The following FRAS1 variants were observed in gnomAD, a reference collection of about 807,000 sequenced individuals.
FRAS1 encodes the protein extracellular matrix organizing protein FRAS1.
In FRAS1, 290 loss-of-function variants were observed where a neutral mutation model predicts 435.2. The ratio of observed to expected loss-of-function variants is 0.67; its 90% CI spans 0.61 to 0.73. The LOEUF is 0.73. Among genes scored for constraint, FRAS1 ranks in the 30% least tolerant of loss-of-function variants. FRAS1 has a pLI of 0.00. For synonymous variants in FRAS1, 1,800 were observed against 1,851.0 expected (o/e 0.97, Z 0.71); for missense variants, 4,860 against 5,001.5 (o/e 0.97, Z 0.85).
chr4:78,265,522 T>G (rs1208270643), intron 7 of FRAS1, among the ~76,000 whole-genome samples: 2 of 152,154 alleles, frequency 1.3e-5, no homozygotes, highest in African/African-American at 4.8e-5. Flanking sequence ...GGGGAAAACC[T>G]GGCGGTGGTA....
chr4:78,162,776 G>A (rs578190939), intron 2 of FRAS1, among the ~76,000 whole-genome samples: 8 of 152,284 alleles, frequency 5.3e-5, no homozygotes, highest in African/African-American at 1.4e-4. Flanking sequence ...GAGCTGGTTC[G>A]TTGTGAAGCA....
At chr4:78,518,111 C>T (rs1560422867) in intron 66 of FRAS1, among the ~76,000 whole-genome samples, 1 of 134,700 alleles carries the variant, frequency 7.4e-6, no homozygotes, top group Non-Finnish European at 1.6e-5. Context: ...AGAGAGACCC[C>T]ATCTCTTGAA....
intron 2 of FRAS1, among the ~76,000 whole-genome samples, chr4:78,222,219 A>G (rs1165602019): frequency 6.6e-6 from 1 of 152,194 alleles, no homozygotes; most frequent in African/African-American, 2.4e-5. Context: ...GGAACACCAC[A>G]GTGGGATTCA....
Position 78,496,824 on chromosome 4 carries a change from A to G in FRAS1, c.8978A>G (p.Tyr2993Cys), listed in dbSNP as rs899884915. 7 of 1,613,792 alleles carry G rather than the reference A, an allele frequency of 4.3e-6. No homozygotes were observed. The highest frequency in any genetic ancestry group is 2.7e-5 in the African/African-American group (2 of 75,032). The change falls in exon 60 of 74, where the codon TAT becomes TGT. Residue 2993 changes from tyrosine to cysteine, a missense_variant. Tyr to Cys is a radical substitution (Grantham distance 194, BLOSUM62 -2). Transcript: ENST00000512123. Reference protein sequence around the residue: ...KGDKVKNCTVYIHDDSMFEPE... With the variant: ...KGDKVKNCTVCIHDDSMFEPE... ...CTCTAGGTGAAGAACTGTACGGTCT[A>G]TATCCACGATGACTCCATGTTTGAG... is the stretch of plus-strand genomic sequence containing the variant.
intron 41 of FRAS1, chr4:78,444,136 T>A (rs1184727604): frequency 8.8e-6 from 4 of 455,192 alleles, no homozygotes; most frequent in South Asian, 6.2e-5. Flanking sequence ...ATTACAGGCA[T>A]GAGCCACCAT....
chr4:78,143,462 T>C (rs1415168647), intron 2 of FRAS1, among the ~76,000 whole-genome samples: 4 of 152,172 alleles, frequency 2.6e-5, no homozygotes, highest in Non-Finnish European at 5.9e-5. Flanking sequence ...TTGGACAAAT[T>C]AATCAACTTG....
intron 20 of FRAS1, among the ~76,000 whole-genome samples, chr4:78,356,992 C>T (rs148767841): frequency 3.3e-5 from 5 of 152,104 alleles, no homozygotes; most frequent in Admixed American, 6.6e-5. Context: ...ACCCAGGTAC[C>T]GAGAGGCTCT....
At chr4:78,069,195 T>G (rs547613141) in intron 2 of FRAS1, among the ~76,000 whole-genome samples, 2 of 152,350 alleles carry the variant, frequency 1.3e-5, no homozygotes, top group East Asian at 3.9e-4. Context: ...TAGTCCAGAC[T>G]GTCCATTTTA....
chr4:78,429,247 A>AG, intron 36 of FRAS1, 21 bp downstream of exon 36: 1 of 1,598,492 alleles, frequency 6.3e-7, no homozygotes, highest in Non-Finnish European at 8.5e-7. Context: ...GGAGCCTGAT[A>AG]GAAACATGGC....
intron 2 of FRAS1, among the ~76,000 whole-genome samples, chr4:78,066,311 A>T (rs1560504940): frequency 6.6e-6 from 1 of 152,148 alleles, no homozygotes; most frequent in Non-Finnish European, 1.5e-5. Context: ...ATTAGATCCC[A>T]TCCTTTTGTC....
chr4:78,126,810 T>C (rs1260272489), intron 2 of FRAS1, among the ~76,000 whole-genome samples: 1 of 152,202 alleles, frequency 6.6e-6, no homozygotes, highest in African/African-American at 2.4e-5. Flanking sequence ...TAGAGTACCA[T>C]TAACCAACTT....
chr4:78,297,411 T>G (rs1578235084), intron 14 of FRAS1, among the ~76,000 whole-genome samples: 3 of 152,372 alleles, frequency 2.0e-5, no homozygotes, highest in Admixed American at 2.0e-4. Flanking sequence ...GCTTTTAATG[T>G]TTCCCTGGAA....
chr4:78,515,801 G>T lies in FRAS1; in HGVS notation c.10177G>T (p.Ala3393Ser). Residue 3393 changes from alanine (A) to serine (S), a missense_variant and splice_region_variant, in exon 66 of 74, where the codon GCA becomes TCA. Ala to Ser is a moderately conservative substitution (Grantham distance 99, BLOSUM62 1). Coordinates refer to ENST00000512123, the MANE Select transcript of FRAS1 (RefSeq NM_025074.7). ...TTYDLRGISE[A>S]GFLDDVVYDS... ...CCTTGTTCTTCCCTCCCTGGCAGAG[G>T]CAGGGTTCCTGGATGATGTGGTCTA... The T allele has an allele frequency of 1.2e-6, 2 of 1,613,404 alleles. No individual in the cohort carries two copies. The highest frequency in any genetic ancestry group is 1.7e-6 in the Non-Finnish European group (2 of 1,179,688).
rs1721194402 is a variant in FRAS1 at position 78,515,915 on chromosome 4, C to T, written c.10291C>T (p.His3431Tyr). 1.2e-6 allele frequency: 2 copies of T among 1,613,900 alleles called. No individual in the cohort carries two copies. Among genetic ancestry groups the T allele is most frequent in the South Asian group, 1.1e-5 (1 of 91,088 alleles). Residue 3431 changes from histidine (H) to tyrosine (Y), a missense_variant, in exon 66 of 74, where the codon CAC becomes TAC. Transcript: ENST00000512123. ...REPKTIQLYKHLNLKSCVWTF... is the reference protein window; with the variant it reads ...REPKTIQLYKYLNLKSCVWTF... ...GCCGAAGACCATCCAGCTCTACAAA[C>T]ACCTGAACCTGAAGAGCTGCGTGTG...
At chr4:78,371,261 T>C (rs1377515288) in intron 23 of FRAS1, among the ~76,000 whole-genome samples, 1 of 152,154 alleles carries the variant, frequency 6.6e-6, no homozygotes, top group Non-Finnish European at 1.5e-5. Flanking sequence ...AGGAATAGGA[T>C]TAACTTTGTA....
At chr4:78,079,212 G>A (rs1240368838) in intron 2 of FRAS1, among the ~76,000 whole-genome samples, 1 of 152,040 alleles carries the variant, frequency 6.6e-6, no homozygotes, top group African/African-American at 2.4e-5. Flanking sequence ...TGTGATTGGG[G>A]TCTCATAAGG....
chr4:78,237,269 G>A (rs1724800816), intron 2 of FRAS1, among the ~76,000 whole-genome samples: 1 of 152,130 alleles, frequency 6.6e-6, no homozygotes, highest in Non-Finnish European at 1.5e-5. Flanking sequence ...TCTGGGTATT[G>A]ACAGCTCTCT....
intron 27 of FRAS1, among the ~76,000 whole-genome samples, chr4:78,380,613 G>A (rs1243124582): frequency 1.3e-5 from 2 of 152,178 alleles, no homozygotes; most frequent in Non-Finnish European, 2.9e-5. Flanking sequence ...AATTAGCAGG[G>A]TAAATCTACT....
At chr4:78,117,584 T>A (rs1372535713) in intron 2 of FRAS1, among the ~76,000 whole-genome samples, 1 of 152,238 alleles carries the variant, frequency 6.6e-6, no homozygotes, top group Non-Finnish European at 1.5e-5. Flanking sequence ...ATTCATTTGC[T>A]CTTCCGTCAC....
Sources: gnomAD v4.1 joint callset for allele counts (sites outside exome capture counted in the v4.1 genomes callset) on GRCh38, gnomAD v4.1.1 for gene constraint, MANE v1.5 for transcripts, NCBI Gene and HGNC (gene_info 2026-07-23, HGNC 2026-07-21) for gene names.